Variants in HECW1 observed in about 807,000 individuals in gnomAD.
HECW1 encodes the protein E3 ubiquitin-protein ligase HECW1.
HECW1 carries 61 observed loss-of-function variants against 182.3 expected under a neutral mutation model. That is an observed-to-expected ratio of 0.33 (90% CI 0.27 to 0.41). The LOEUF (loss-of-function observed/expected upper bound fraction) is 0.41, where lower values mean the gene tolerates loss of function less well. HECW1 is among the 10% of genes least tolerant of loss of function. The pLI is 1.00. For synonymous variants in HECW1, 859 were observed against 832.6 expected (o/e 1.03, Z -0.55); for missense variants, 1,739 against 2,108.9 (o/e 0.82, Z 3.44).
intron 2 of HECW1, among the ~76,000 whole-genome samples, chr7:43,160,202 A>G (rs10239801): frequency 0.025 from 3,818 of 152,298 alleles, 165 homozygotes; most frequent in African/African-American, 0.088. Flanking sequence ...CATTTGTTTT[A>G]TAATTTAAGA....
At chr7:43,449,469 A>G (rs930393402) in intron 11 of HECW1, among the ~76,000 whole-genome samples, 2 of 152,250 alleles carry the variant, frequency 1.3e-5, no homozygotes, top group African/African-American at 4.8e-5. Context: ...AGTGAGCTCT[A>G]GGAATTAAAT....
At chr7:43,398,710 G>C (rs915127638) in intron 7 of HECW1, among the ~76,000 whole-genome samples, 1 of 152,226 alleles carries the variant, frequency 6.6e-6, no homozygotes, top group Non-Finnish European at 1.5e-5. Context: ...GGGAATTGCA[G>C]TAGAGAAAGA....
chr7:43,381,118 A>G (rs1034984557), intron 6 of HECW1, among the ~76,000 whole-genome samples: 2 of 152,166 alleles, frequency 1.3e-5, no homozygotes, highest in African/African-American at 4.8e-5. Flanking sequence ...TAGGGACCCC[A>G]GGTTTATTGG....
intron 19 of HECW1, among the ~76,000 whole-genome samples, chr7:43,494,514 T>A (rs1375872437): frequency 6.6e-6 from 1 of 151,998 alleles, no homozygotes; most frequent in African/African-American, 2.4e-5. Context: ...AGATTTTTTT[T>A]TTTTTTTGAG....
At chr7:43,198,135 A>C (rs1442144289) in intron 2 of HECW1, among the ~76,000 whole-genome samples, 5 of 148,204 alleles carry the variant, frequency 3.4e-5, no homozygotes, top group African/African-American at 1.3e-4. Flanking sequence ...ATAGTCACAC[A>C]CCCCACACTC....
At chr7:43,175,177 C>T (rs973447517) in intron 2 of HECW1, among the ~76,000 whole-genome samples, 2 of 151,328 alleles carry the variant, frequency 1.3e-5, no homozygotes, top group Non-Finnish European at 1.5e-5. Flanking sequence ...TGTGTGTGTA[C>T]ACATACACAT....
intron 2 of HECW1, among the ~76,000 whole-genome samples, chr7:43,166,333 C>T (rs1791106100): frequency 6.6e-6 from 1 of 152,160 alleles, no homozygotes; most frequent in African/African-American, 2.4e-5. Flanking sequence ...GTTCCACCTG[C>T]CTTGGCCTCC....
chr7:43,256,113 C>G (rs1372636641), intron 3 of HECW1, among the ~76,000 whole-genome samples: 1 of 152,166 alleles, frequency 6.6e-6, no homozygotes, highest in Non-Finnish European at 1.5e-5. Flanking sequence ...AACTCACGCT[C>G]TAGGTCCATA....
At chr7:43,241,324 G>C (rs17172178) in intron 2 of HECW1, 14,700 of 152,098 alleles carry the variant, frequency 0.097, 1,160 homozygotes, top group African/African-American at 0.21. Context: ...GATGAAAGAG[G>C]GTTCCATCCA....
chr7:43,247,935 GA>G (rs1799580020), intron 3 of HECW1, among the ~76,000 whole-genome samples: 2 of 68,702 alleles, frequency 2.9e-5, no homozygotes, highest in Non-Finnish European at 4.8e-5. Flanking sequence ...GAGGAAAAAA[GA>G]GAGAGAAAAA....
intron 2 of HECW1, among the ~76,000 whole-genome samples, chr7:43,126,666 G>A (rs1786276283): frequency 6.6e-6 from 1 of 152,138 alleles, no homozygotes; most frequent in African/African-American, 2.4e-5. Flanking sequence ...TGAAGATTTG[G>A]GCAACCCTGA....
chr7:43,513,989 T>C (rs1450498619), intron 24 of HECW1, among the ~76,000 whole-genome samples: 2 of 152,088 alleles, frequency 1.3e-5, no homozygotes, highest in Admixed American at 1.3e-4. Flanking sequence ...AATAACACTC[T>C]CAATCAACAC....
chr7:43,224,416 C>T (rs529869939), intron 2 of HECW1, among the ~76,000 whole-genome samples: 1 of 152,210 alleles, frequency 6.6e-6, no homozygotes, highest in Non-Finnish European at 1.5e-5. Context: ...CCCAGGGGGA[C>T]ACTCACAACC....
Position 43,256,570 on chromosome 7 carries a change from C to A in HECW1, c.27+12638C>A, listed in dbSNP as rs112840442. 8.6e-3 allele frequency among the ~76,000 whole-genome samples: 1,255 copies of A among 146,006 alleles called. 15 individuals carry two copies. Among genetic ancestry groups the A allele is most frequent in the African/African-American group, 0.03 (1,178 of 39,142 alleles). ...GTTGCAGTGAGCCAAGATTGCGCCACTGCACTCTAGCCTGGGCAAAAAGAG... is the reference window on the plus strand; with the variant it reads ...GTTGCAGTGAGCCAAGATTGCGCCAATGCACTCTAGCCTGGGCAAAAAGAG... On this transcript the variant is annotated intron_variant, in intron 3 of 29. Coordinates refer to ENST00000395891, the MANE Select transcript of HECW1 (RefSeq NM_015052.5).
chr7:43,445,217 G>A lies in HECW1; in HGVS notation c.2045G>A (p.Cys682Tyr). Reference sequence around the variant, plus strand: ...GACGCGTCCTGCTGCAGCCCCTCGTGCTACAGCTCCTCGTGCTACAGCACG... The same window carrying A: ...GACGCGTCCTGCTGCAGCCCCTCGTACTACAGCTCCTCGTGCTACAGCACG... ...GCDASCCSPS[C>Y]YSSSCYSTSC... Residue 682 changes from cysteine (C) to tyrosine (Y), a missense_variant, in exon 11 of 30, where the codon TGC becomes TAC. Cys to Tyr is a radical substitution (Grantham distance 194). Transcript: ENST00000395891. 1 of 1,613,070 alleles carries A rather than the reference G, an allele frequency of 6.2e-7. No homozygotes were observed. The highest frequency in any genetic ancestry group is 8.5e-7 in the Non-Finnish European group (1 of 1,179,570).
intron 11 of HECW1, among the ~76,000 whole-genome samples, chr7:43,448,815 G>A (rs1431293122): frequency 1.3e-5 from 2 of 152,164 alleles, no homozygotes; most frequent in Non-Finnish European, 2.9e-5. Flanking sequence ...AATTTAAAAC[G>A]ACGTTGCTTG....
rs781580070 is a variant in HECW1, at chr7:43,541,180, G to A, written c.4037G>A (p.Arg1346His). Residue 1346 changes from arginine (R) to histidine (H), a missense_variant, in exon 25 of 30, where the codon CGC becomes CAC. By Grantham distance (29) the Arg-to-His change is conservative. Transcript: ENST00000395891. Reference sequence around the variant, plus strand: ...TGTTCCAGGTTCAGGTTTAGCGGTCGCATCCTGGGTCTGGCTCTGATCCAT... The same window carrying A: ...TGTTCCAGGTTCAGGTTTAGCGGTCACATCCTGGGTCTGGCTCTGATCCAT... Reference protein sequence around the residue: ...NHLEWFRFSGRILGLALIHQY... With the variant: ...NHLEWFRFSGHILGLALIHQY... The A allele has an allele frequency of 6.2e-6, 10 of 1,613,766 alleles. No individual in the cohort carries two copies. The highest frequency in any genetic ancestry group is 2.2e-5 in the East Asian group (1 of 44,898).
chr7:43,284,522 A>T (rs950036937), intron 3 of HECW1, among the ~76,000 whole-genome samples: 3 of 151,492 alleles, frequency 2.0e-5, no homozygotes, highest in Middle Eastern at 3.4e-3. Flanking sequence ...AAAAAAAAAA[A>T]AAGACAGAAA....
chr7:43,221,126 A>G (rs922734553), intron 2 of HECW1, among the ~76,000 whole-genome samples: 2 of 152,178 alleles, frequency 1.3e-5, no homozygotes, highest in African/African-American at 2.4e-5. Flanking sequence ...GACAGTACAT[A>G]TTACTTTTGT....
Sources: allele counts gnomAD v4.1 joint callset (sites outside exome capture counted in the v4.1 genomes callset), GRCh38; gene constraint gnomAD v4.1.1; transcripts MANE v1.5; gene names NCBI Gene and HGNC (gene_info 2026-07-23, HGNC 2026-07-21).